KLF8: variants seen among roughly 807,000 people sequenced by gnomAD.
KLF8 encodes the protein KLF transcription factor 8, also known as Krueppel-like factor 8.
KLF8 carries 10 observed loss-of-function variants against 18.2 expected under a neutral mutation model. The observed-to-expected ratio is 0.55, with a 90% confidence interval of 0.34 to 0.93. The LOEUF (loss-of-function observed/expected upper bound fraction) is 0.93. Ranked by LOEUF, KLF8 falls within the 40% of genes least tolerant of loss-of-function variation. The pLI, the probability that KLF8 is intolerant of heterozygous loss-of-function variation, is 0.02. For missense variants in KLF8, 264 were observed against 277.9 expected (o/e 0.95, Z 0.36); for synonymous variants, 109 against 97.3 (o/e 1.12, Z -0.71).
the KLF8 span, among the ~76,000 whole-genome samples, chrX:56,136,843 G>C: frequency 2.7e-5 from 3 of 110,099 alleles, no homozygotes; most frequent in Non-Finnish European, 5.7e-5. Flanking sequence ...GAAAATTTTC[G>C]CAACCTACTC....
At chrX:56,077,192 T>C in the KLF8 span, among the ~76,000 whole-genome samples, 56 of 112,016 alleles carry the variant, frequency 5.0e-4, no homozygotes, top group Non-Finnish European at 1.0e-3. Flanking sequence ...TTGCTTTTGG[T>C]GTTTTAGACA....
the KLF8 span, among the ~76,000 whole-genome samples, chrX:56,155,612 A>T: frequency 8.9e-6 from 1 of 111,856 alleles, no homozygotes; most frequent in African/African-American, 3.2e-5. Flanking sequence ...AATAAAAATA[A>T]AATTAAAAAA....
At chrX:56,189,089 C>G in the KLF8 span, among the ~76,000 whole-genome samples, 3 of 111,399 alleles carry the variant, frequency 2.7e-5, no homozygotes, top group South Asian at 7.5e-4. Context: ...AGGCAGCATA[C>G]AAAATGGGAG....
At chrX:56,087,647 A>G in the KLF8 span, among the ~76,000 whole-genome samples, 3 of 111,581 alleles carry the variant, frequency 2.7e-5, no homozygotes, top group Admixed American at 9.6e-5. Flanking sequence ...AGAACAGACT[A>G]CTACAATGCA....
chrX:55,957,755 G>A, the KLF8 span, among the ~76,000 whole-genome samples: 1 of 110,986 alleles, frequency 9.0e-6, no homozygotes, highest in Non-Finnish European at 1.9e-5. Flanking sequence ...AACTTTGGAG[G>A]TTGATAATGA....
the KLF8 span, among the ~76,000 whole-genome samples, chrX:56,069,352 G>A: frequency 2.7e-5 from 3 of 111,186 alleles, no homozygotes; most frequent in South Asian, 3.8e-4. Flanking sequence ...GTGTGAGCTC[G>A]GTTAGAGGGT....
the KLF8 span, among the ~76,000 whole-genome samples, chrX:56,120,436 C>A: frequency 8.9e-6 from 1 of 112,192 alleles, no homozygotes; most frequent in African/African-American, 3.2e-5. Context: ...AGGAAGAGAC[C>A]ATTCCAGGCA....
intron 2 of KLF8, among the ~76,000 whole-genome samples, chrX:56,263,655 C>A (rs1415954592): frequency 8.9e-6 from 1 of 111,752 alleles, no homozygotes; most frequent in Non-Finnish European, 1.9e-5. Context: ...CCCTTATTAT[C>A]TCTCACCTAA....
At chrX:55,935,471 A>G in the KLF8 span, among the ~76,000 whole-genome samples, 6 of 112,481 alleles carry the variant, frequency 5.3e-5, no homozygotes, top group Non-Finnish European at 1.1e-4. Context: ...CATCTAGAGG[A>G]ACTATTTACT....
the KLF8 span, among the ~76,000 whole-genome samples, chrX:56,028,466 G>C: frequency 2.7e-5 from 3 of 111,504 alleles, no homozygotes; most frequent in Non-Finnish European, 5.6e-5. Flanking sequence ...CATACCTGCT[G>C]TCTGCAAATC....
In KLF8 at chrX:56,276,026, A is replaced by G. The variant is rs192616269; in HGVS notation, c.898+5705A>G. Among the ~76,000 whole-genome samples the G allele has an allele frequency of 2.5e-3, 278 of 111,329 alleles. 1 individual carries two copies. Among genetic ancestry groups the G allele is most frequent in the African/African-American group, 8.8e-3 (270 of 30,613 alleles). On this transcript the variant is annotated intron_variant, in intron 5 of 5. Coordinates refer to ENST00000468660, the MANE Select transcript of KLF8 (RefSeq NM_007250.5). ...AGTTTGGAGTATTTCTTCCTGTTCT[A>G]TTTTTCAAAATAGTTTCAGTAGAAT...
chrX:56,181,639 C>T, the KLF8 span, among the ~76,000 whole-genome samples: 1 of 111,584 alleles, frequency 9.0e-6, no homozygotes, highest in Non-Finnish European at 1.9e-5. Context: ...CCTTCAGGAG[C>T]TCTTGAAAGG....
chrX:56,172,864 G>A, the KLF8 span, among the ~76,000 whole-genome samples: 3 of 112,155 alleles, frequency 2.7e-5, no homozygotes, highest in Non-Finnish European at 5.6e-5. Context: ...CAGTGATGAC[G>A]AGCATTTTTT....
the KLF8 span, among the ~76,000 whole-genome samples, chrX:56,133,886 A>T: frequency 9.5e-6 from 1 of 105,465 alleles, no homozygotes; most frequent in East Asian, 3.0e-4. Flanking sequence ...CAAGCTGAGA[A>T]TTAAATCAAG....
chrX:56,191,491 C>T, the KLF8 span, among the ~76,000 whole-genome samples: 2 of 111,582 alleles, frequency 1.8e-5, no homozygotes, highest in African/African-American at 3.2e-5. Flanking sequence ...CAGACAGAGA[C>T]ACCAAACAAA....
intron 2 of KLF8, among the ~76,000 whole-genome samples, 186 bp from the exon 3 acceptor site, chrX:56,264,994 C>G (rs762918315): frequency 9.0e-6 from 1 of 111,641 alleles, no homozygotes; most frequent in Non-Finnish European, 1.9e-5. Context: ...GATACAGTAC[C>G]TGGTACTTAC....
chrX:56,097,881 C>G, the KLF8 span, among the ~76,000 whole-genome samples: 2 of 109,084 alleles, frequency 1.8e-5, no homozygotes, highest in Non-Finnish European at 3.8e-5. Flanking sequence ...AGTAACAAAG[C>G]AAGGATATTT....
At chrX:56,135,784 T>G in the KLF8 span, among the ~76,000 whole-genome samples, 70 of 111,739 alleles carry the variant, frequency 6.3e-4, no homozygotes, top group African/African-American at 2.1e-3. Context: ...AGGTAAACAA[T>G]GAAATTAAAG....
At chrX:56,056,522 C>A in the KLF8 span, among the ~76,000 whole-genome samples, 3 of 105,024 alleles carry the variant, frequency 2.9e-5, no homozygotes, top group Non-Finnish European at 5.8e-5. Flanking sequence ...AACTGGAAAC[C>A]ATCATTCTCA....
Sources: allele counts gnomAD v4.1 joint callset (sites outside exome capture counted in the v4.1 genomes callset), GRCh38; gene constraint gnomAD v4.1.1; transcripts MANE v1.5; gene names NCBI Gene and HGNC (gene_info 2026-07-23, HGNC 2026-07-21).